Variants in HHAT observed in about 807,000 individuals in gnomAD.
The protein encoded by HHAT is hedgehog acyltransferase.
A neutral mutation model predicts 70.8 loss-of-function variants in HHAT; 47 were observed. The observed-to-expected ratio is 0.66, with a 90% CI of 0.53 to 0.85. The LOEUF is 0.85. Ranked by LOEUF, HHAT falls within the 40% of genes least tolerant of loss-of-function variation. The probability of loss-of-function intolerance (pLI) is 0.00; values close to 1 mark genes in which losing one functional copy is unlikely to be tolerated. For synonymous variants in HHAT, 228 were observed against 247.6 expected (o/e 0.92, Z 0.74); for missense variants, 609 against 604.8 (o/e 1.01, Z -0.07).
At position 210,431,054 on chromosome 1, in the gene HHAT, G is replaced by A. The variant is rs570103927; in HGVS notation, c.856+12729G>A. On this transcript the variant is annotated intron_variant, in intron 7 of 11. Transcript: ENST00000261458. The stretch of plus-strand genomic sequence containing the variant: ...CATATTTTGGGATGTTTGATTGTGA[G>A]CCCATGTTAATTGCTGCTTTGTCCT... Among the ~76,000 whole-genome samples, 11 of 152,004 alleles carry A rather than the reference G, an allele frequency of 7.2e-5. No individual in the cohort carries two copies. The East Asian group carries it at 1.5e-3, about 21-fold the overall frequency.
intron 9 of HHAT, among the ~76,000 whole-genome samples, chr1:210,527,200 G>T (rs1381896482): frequency 2.0e-5 from 3 of 152,036 alleles, no homozygotes; most frequent in Non-Finnish European, 4.4e-5. Context: ...TTCCTTTAGT[G>T]CATGTGTCTA....
rs2089479233 is a variant in HHAT at position 210,370,617 on chromosome 1, T to TTTA, written c.159+7700_159+7701insATT. 2.1e-5 allele frequency among the ~76,000 whole-genome samples: 3 copies of TTTA among 141,394 alleles called. No individual in the cohort carries two copies. In the South Asian group the frequency reaches 7.1e-4, roughly 34 times the overall value. 92.8% of individuals were successfully genotyped at this position (141,394 alleles called of 152,430 possible). A position where few individuals can be genotyped will look rare whatever the true frequency, so the allele number is the denominator to read the frequency against. ...ATTCACATTGCAGATGCTATTTTTT[T>TTTA]TTTTTTTTTTTTTTGGAGACGGAGT... On this transcript the variant is annotated intron_variant, in intron 3 of 11. Transcript: ENST00000261458.
At chr1:210,393,666 T>G (rs994652444) in intron 4 of HHAT, among the ~76,000 whole-genome samples, 1 of 152,174 alleles carries the variant, frequency 6.6e-6, no homozygotes, top group Non-Finnish European at 1.5e-5. Context: ...GGACTAGGCT[T>G]CTTCTCTGCA....
intron 7 of HHAT, among the ~76,000 whole-genome samples, chr1:210,432,311 G>A (rs757690737): frequency 2.5e-4 from 38 of 152,010 alleles, no homozygotes; most frequent in Non-Finnish European, 4.7e-4. Flanking sequence ...TAAGAGGTGA[G>A]CCGGAAAAGG....
At chr1:210,660,287 G>C (rs149016903) in intron 11 of HHAT, among the ~76,000 whole-genome samples, 137,797 of 152,230 alleles carry the variant, frequency 0.91, 62,542 homozygotes, top group African/African-American at 0.97. Context: ...AACAGAGAGC[G>C]AAATCATGAG....
In HHAT at chr1:210,675,175, A is replaced by G. The variant is rs1187985480; in HGVS notation, c.*796A>G. 1.3e-5 allele frequency: 2 copies of G among 152,170 alleles called. No individual in the cohort carries two copies. The highest frequency in any genetic ancestry group is 2.9e-5 in the Non-Finnish European group (2 of 68,020). The allele number at this position is 152,170 out of a possible 1,614,324, so 9.4% of individuals were successfully genotyped here. On this transcript the variant is annotated 3_prime_UTR_variant, in exon 12 of 12. Coordinates refer to ENST00000261458, the MANE Select transcript of HHAT (RefSeq NM_018194.6). Reference sequence around the variant, plus strand: ...GGTGTTATCAAGGCCAGTCATGAGGATGGTGTCCTGGAGTCTTGTCCACCC... The same window carrying G: ...GGTGTTATCAAGGCCAGTCATGAGGGTGGTGTCCTGGAGTCTTGTCCACCC...
intron 9 of HHAT, among the ~76,000 whole-genome samples, chr1:210,534,013 G>A (rs2095343616): frequency 6.6e-6 from 1 of 152,164 alleles, no homozygotes; most frequent in South Asian, 2.1e-4. Flanking sequence ...AACATGGATG[G>A]GGAGCCAGTG....
chr1:210,662,054 A>C (rs1024583881), intron 11 of HHAT, among the ~76,000 whole-genome samples: 14 of 152,380 alleles, frequency 9.2e-5, no homozygotes, highest in Admixed American at 5.9e-4. Context: ...TTCAATTTTA[A>C]CTTATTAGTG....
At chr1:210,356,960 A>G (rs1019181870) in intron 2 of HHAT, among the ~76,000 whole-genome samples, 4 of 152,248 alleles carry the variant, frequency 2.6e-5, no homozygotes, top group East Asian at 1.9e-4. Flanking sequence ...AAAAGACCCA[A>G]TTGAACTTCT....
chr1:210,671,629 G>A lies in HHAT; in HGVS notation c.1391-2659G>A, dbSNP rs192638978. On this transcript the variant is annotated intron_variant, in intron 11 of 11. Transcript: ENST00000261458. ...GGAAGAAGGCTCTGTGAAAATGGAG[G>A]CAGTGATGCTGCCATAAGCCAAGGG... Among the ~76,000 whole-genome samples, 213 of 152,316 alleles carry A rather than the reference G, an allele frequency of 1.4e-3. 5 individuals carry two copies. The highest frequency in any genetic ancestry group is 2.2e-4 in the Non-Finnish European group (15 of 68,024).
At chr1:210,595,785 T>C (rs1662845912) in intron 10 of HHAT, among the ~76,000 whole-genome samples, 1 of 152,246 alleles carries the variant, frequency 6.6e-6, no homozygotes, top group Non-Finnish European at 1.5e-5. Flanking sequence ...TGTCTATTCA[T>C]ATCCTTCGCC....
At chr1:210,582,556 T>G (rs948309446) in intron 9 of HHAT, among the ~76,000 whole-genome samples, 2 of 152,216 alleles carry the variant, frequency 1.3e-5, no homozygotes, top group African/African-American at 4.8e-5. Context: ...ATTTTAAGAT[T>G]AATGCGTTTA....
chr1:210,497,402 C>A (rs1026377656), intron 8 of HHAT, among the ~76,000 whole-genome samples: 4 of 152,132 alleles, frequency 2.6e-5, no homozygotes, highest in African/African-American at 9.7e-5. Context: ...GTTAAAAGAC[C>A]AGTAGAAAAC....
At chr1:210,477,791 C>T (rs181844454) in intron 8 of HHAT, among the ~76,000 whole-genome samples, 55 of 152,204 alleles carry the variant, frequency 3.6e-4, no homozygotes, top group Middle Eastern at 3.4e-3. Flanking sequence ...TTATTTTAAT[C>T]GAGGTTCTTC....
chr1:210,361,680 T>G (rs1232719195), intron 2 of HHAT, among the ~76,000 whole-genome samples: 2 of 152,138 alleles, frequency 1.3e-5, no homozygotes, highest in Admixed American at 6.5e-5. Flanking sequence ...GAGGTTTTTA[T>G]ACTTTTGTTG....
chr1:210,607,109 T>C (rs1665611133), intron 10 of HHAT, among the ~76,000 whole-genome samples: 3 of 152,168 alleles, frequency 2.0e-5, no homozygotes, highest in Non-Finnish European at 4.4e-5. Context: ...CCTGTTTTTT[T>C]CTTCTTCATG....
intron 1 of HHAT, chr1:210,329,423 G>A (rs1571609670): frequency 9.1e-7 from 1 of 1,101,264 alleles, no homozygotes; most frequent in African/African-American, 1.6e-5. Flanking sequence ...TGCGAACTCT[G>A]GTCCTCTTGG....
At chr1:210,673,014 A>G (rs1400816302) in intron 11 of HHAT, among the ~76,000 whole-genome samples, 7 of 152,188 alleles carry the variant, frequency 4.6e-5, no homozygotes, top group Non-Finnish European at 7.3e-5. Flanking sequence ...ACACAATTGG[A>G]TTGACAAAGG....
At chr1:210,623,796 C>T in intron 11 of HHAT, 126 bp downstream of exon 11, 1 of 995,872 alleles carries the variant, frequency 1.0e-6, no homozygotes, top group South Asian at 1.7e-5. Flanking sequence ...CATGTGACCT[C>T]TAAAGTACCA....
Sources: gnomAD v4.1 joint callset for allele counts (sites outside exome capture counted in the v4.1 genomes callset) on GRCh38, gnomAD v4.1.1 for gene constraint, MANE v1.5 for transcripts, NCBI Gene and HGNC (gene_info 2026-07-23, HGNC 2026-07-21) for gene names.